Variants in MASP1 observed in about 807,000 individuals in gnomAD.
MASP1 encodes the protein MBL associated serine protease 1.
MASP1 carries 59 observed loss-of-function variants against 77.1 expected under a neutral mutation model. The ratio of observed to expected loss-of-function variants is 0.77; its 90% CI spans 0.62 to 0.95. The LOEUF is 0.95. Among genes scored for constraint, MASP1 ranks in the 40% least tolerant of loss-of-function variants. MASP1 has a pLI of 0.00. For missense variants in MASP1, 885 were observed against 912.9 expected (o/e 0.97, Z 0.39); for synonymous variants, 362 against 354.5 (o/e 1.02, Z -0.24).
chr3:187,261,059 A>T (rs896811781), intron 3 of MASP1, among the ~76,000 whole-genome samples, 187 bp from the exon 4 acceptor site: 1 of 152,212 alleles, frequency 6.6e-6, no homozygotes, highest in African/African-American at 2.4e-5. Context: ...ACTGGAACTC[A>T]GAGAGGTTAG....
intron 2 of MASP1, among the ~76,000 whole-genome samples, chr3:187,285,156 ATTT>A: frequency 6.6e-6 from 1 of 150,776 alleles, no homozygotes; most frequent in Admixed American, 6.6e-5. Flanking sequence ...CACCCATGGA[ATTT>A]TTTTTTTTGT....
chr3:187,274,162 T>G (rs1716760502), intron 2 of MASP1, among the ~76,000 whole-genome samples: 1 of 151,790 alleles, frequency 6.6e-6, no homozygotes, highest in Non-Finnish European at 1.5e-5. Flanking sequence ...GAGCAGAGAT[T>G]GTGCCATTGC....
chr3:187,226,345 C>T, intron 12 of MASP1: 1 of 1,226,116 alleles, frequency 8.2e-7, no homozygotes, highest in South Asian at 1.3e-5. Context: ...TGGAAAGGGC[C>T]AGTAGGTCAT....
intron 14 of MASP1, among the ~76,000 whole-genome samples, chr3:187,222,711 A>T (rs906895215): frequency 2.0e-5 from 3 of 151,334 alleles, no homozygotes; most frequent in Non-Finnish European, 4.4e-5. Context: ...ACTGATAGGA[A>T]TATGAACTTC....
intron 10 of MASP1, among the ~76,000 whole-genome samples, chr3:187,239,583 A>T (rs541918376): frequency 3.3e-5 from 5 of 152,164 alleles, no homozygotes; most frequent in Non-Finnish European, 5.9e-5. Flanking sequence ...TTTTGCTCAC[A>T]TGGTCTTTTA....
chr3:187,234,730 G>T lies in MASP1; in HGVS notation c.*954C>A. The T allele has an allele frequency of 3.9e-6, 5 of 1,287,244 alleles. No homozygotes were observed. The highest frequency in any genetic ancestry group is 5.1e-6 in the Non-Finnish European group (5 of 988,698). The allele number at this position is 1,287,244 out of a possible 1,614,324, so 79.7% of individuals were successfully genotyped here. A position where few individuals can be genotyped will look rare whatever the true frequency, so the allele number is the denominator to read the frequency against. On this transcript the variant is annotated 3_prime_UTR_variant, in exon 11 of 11. Transcript: ENST00000296280. ...ACCCCACTCTTTCTTCCATTTTCCTGCCCAAAAGCACAGCAGGACACAGTG... is the reference window on the plus strand; with the variant it reads ...ACCCCACTCTTTCTTCCATTTTCCTTCCCAAAAGCACAGCAGGACACAGTG...
At chr3:187,228,212 G>A (rs900618452) in intron 11 of MASP1, among the ~76,000 whole-genome samples, 1 of 150,752 alleles carries the variant, frequency 6.6e-6, no homozygotes, top group African/African-American at 2.4e-5. Flanking sequence ...GCTTGAACCC[G>A]AGAGGCGGAG....
chr3:187,252,295 C>T (rs972859132), intron 6 of MASP1, among the ~76,000 whole-genome samples: 12 of 152,308 alleles, frequency 7.9e-5, no homozygotes, highest in Admixed American at 2.0e-4. Context: ...CTGAAATTTG[C>T]GCCCCTGTAA....
chr3:187,246,556 G>T, intron 8 of MASP1: 1 of 985,658 alleles, frequency 1.0e-6, no homozygotes, highest in Non-Finnish European at 1.2e-6. Flanking sequence ...TGTGTGTCCA[G>T]ATGTTCAGAC....
chr3:187,234,319 GGAGA>G lies in MASP1; in HGVS notation c.*1361_*1364del. On this transcript the variant is annotated 3_prime_UTR_variant, in exon 11 of 11. Coordinates refer to ENST00000296280, the MANE Select transcript of MASP1 (RefSeq NM_139125.4). ...TGCCTTGCTCTGATGGAGATTTTCAGGAGAGAGAGCTCCAGGGAGAAGGAGAACA... is the reference window on the plus strand; with the variant it reads ...TGCCTTGCTCTGATGGAGATTTTCAGGAGAGCTCCAGGGAGAAGGAGAACA... 1 of 1,287,216 alleles carries G rather than the reference GGAGA, an allele frequency of 7.8e-7. No individual in the cohort carries two copies. Among genetic ancestry groups the G allele is most frequent in the South Asian group, 1.2e-5 (1 of 80,930 alleles). The allele number at this position is 1,287,216 out of a possible 1,614,324, so 79.7% of individuals were successfully genotyped here. A position where few individuals can be genotyped will look rare whatever the true frequency, so the allele number is the denominator to read the frequency against.
chr3:187,243,391 T>C, intron 9 of MASP1, 93 bp downstream of exon 9: 1 of 1,324,176 alleles, frequency 7.6e-7, no homozygotes, highest in Non-Finnish European at 1.1e-6. Context: ...TTATGAGCAG[T>C]TCTTCCTTTC....
At chr3:187,254,739 G>T (rs1206092473) in intron 5 of MASP1, among the ~76,000 whole-genome samples, 1 of 152,118 alleles carries the variant, frequency 6.6e-6, no homozygotes, top group East Asian at 1.9e-4. Flanking sequence ...GAGGTTGGGG[G>T]CAGTGGGGGA....
rs710468 is a variant in MASP1 at position 187,262,476 on chromosome 3, C to T, written c.415+67G>A. The T allele has an allele frequency of 0.19, 289,060 of 1,509,726 alleles. 31,662 individuals carry two copies. The highest frequency in any genetic ancestry group is 0.48 in the African/African-American group (34,635 of 72,694). 93.5% of individuals were successfully genotyped at this position (1,509,726 alleles called of 1,614,324 possible). On this transcript the variant is annotated intron_variant, in intron 3 of 10. Coordinates refer to ENST00000296280, the MANE Select transcript of MASP1 (RefSeq NM_139125.4). ...CAGATTTCCATCGTAAAGGAGAGGTCACAAGGCAGTTTTCATCTTCGGAGA... is the reference window on the plus strand; with the variant it reads ...CAGATTTCCATCGTAAAGGAGAGGTTACAAGGCAGTTTTCATCTTCGGAGA...
intron 8 of MASP1, 176 bp from the exon 9 acceptor site, chr3:187,243,797 AC>A: frequency 1.4e-6 from 1 of 739,426 alleles, no homozygotes; most frequent in Non-Finnish European, 2.4e-6. Context: ...CTGTGAAGCT[AC>A]CCATGGTCCT....
chr3:187,236,654 T>G, intron 10 of MASP1, 87 bp from the exon 11 acceptor site: 2 of 1,610,628 alleles, frequency 1.2e-6, no homozygotes, highest in South Asian at 2.2e-5. Context: ...AAATTCACAT[T>G]TCACCCACTA....
chr3:187,253,637 A>G (rs1429551101), intron 5 of MASP1, among the ~76,000 whole-genome samples: 2 of 152,118 alleles, frequency 1.3e-5, no homozygotes, highest in African/African-American at 4.8e-5. Context: ...GCACATATAC[A>G]CTGTGGAATA....
intron 15 of MASP1, among the ~76,000 whole-genome samples, chr3:187,220,541 A>G (rs1579453018): frequency 1.6e-5 from 2 of 127,454 alleles, no homozygotes; most frequent in African/African-American, 6.2e-5. Context: ...TGTCACACCC[A>G]GGCTAGAGTG....
intron 1 of MASP1, among the ~76,000 whole-genome samples, chr3:187,289,330 A>G (rs868699897): frequency 3.2e-4 from 49 of 152,146 alleles, no homozygotes; most frequent in African/African-American, 1.2e-3. Flanking sequence ...TGAATTGAAG[A>G]GTTGGAAGGG....
At chr3:187,225,336 G>T (rs758163903) in exon 13 of MASP1, 2 of 1,613,032 alleles carry the variant, frequency 1.2e-6, no homozygotes, top group East Asian at 2.2e-5. Flanking sequence ...TCCTGCTGGG[G>T]TCCCTCAGGC....
Sources: gnomAD v4.1 joint callset for allele counts (sites outside exome capture counted in the v4.1 genomes callset) on GRCh38, gnomAD v4.1.1 for gene constraint, MANE v1.5 for transcripts, NCBI Gene and HGNC (gene_info 2026-07-23, HGNC 2026-07-21) for gene names.